NRG3: variants seen among roughly 807,000 people sequenced by gnomAD.
NRG3 encodes neuregulin 3.
NRG3 carries 31 observed loss-of-function variants against 66.9 expected under a neutral mutation model. The ratio of observed to expected loss-of-function variants is 0.46; its 90% CI spans 0.35 to 0.63. The LOEUF (loss-of-function observed/expected upper bound fraction) is 0.63. Among genes scored for constraint, NRG3 ranks in the 20% least tolerant of loss-of-function variants. The pLI is 0.00. For missense variants in NRG3, 910 were observed against 878.9 expected (o/e 1.04, Z -0.45); for synonymous variants, 393 against 359.4 (o/e 1.09, Z -1.06).
At chr10:82,528,566 T>A (rs145415196) in intron 2 of NRG3, among the ~76,000 whole-genome samples, 1 of 152,150 alleles carries the variant, frequency 6.6e-6, no homozygotes, top group African/African-American at 2.4e-5. Context: ...CCTGGACTTA[T>A]CAGGGACAGT....
At chr10:82,733,354 G>A (rs1287656927) in intron 2 of NRG3, among the ~76,000 whole-genome samples, 1 of 152,170 alleles carries the variant, frequency 6.6e-6, no homozygotes, top group Non-Finnish European at 1.5e-5. Flanking sequence ...ACCTGCACTT[G>A]TTTTTCTCCT....
Position 82,200,708 on chromosome 10 carries a change from T to C in NRG3, c.824-158031T>C, listed in dbSNP as rs144477736. 4.5e-3 allele frequency among the ~76,000 whole-genome samples: 691 copies of C among 152,276 alleles called. 7 individuals are homozygous for C. The highest frequency in any genetic ancestry group is 0.016 in the African/African-American group (664 of 41,568). ...AATGAATTCAGAAAAGAATCAGGCC[T>C]GTTACTCTCCGAAGGCCTTTCTCTT... On this transcript the variant is annotated intron_variant, in intron 1 of 8. Coordinates refer to ENST00000372141, the MANE Select transcript of NRG3 (RefSeq NM_001010848.4).
At chr10:82,918,657 C>T (rs1366968292) in intron 4 of NRG3, among the ~76,000 whole-genome samples, 5 of 152,098 alleles carry the variant, frequency 3.3e-5, no homozygotes, top group African/African-American at 1.2e-4. Flanking sequence ...TAAAGATGCC[C>T]AGTTTCACTG....
intron 1 of NRG3, among the ~76,000 whole-genome samples, chr10:82,022,714 G>A (rs894421934): frequency 3.3e-5 from 5 of 151,960 alleles, no homozygotes; most frequent in Non-Finnish European, 5.9e-5. Flanking sequence ...ATCAACCACT[G>A]TGGTCAATGA....
intron 2 of NRG3, among the ~76,000 whole-genome samples, chr10:82,571,970 A>AT (rs1026698664): frequency 1.2e-4 from 18 of 151,498 alleles, no homozygotes; most frequent in East Asian, 3.9e-4. Context: ...CTTACTTCTC[A>AT]TTTTTTTCAT....
intron 1 of NRG3, among the ~76,000 whole-genome samples, chr10:81,964,154 T>C (rs2059637067): frequency 6.6e-6 from 1 of 152,138 alleles, no homozygotes; most frequent in African/African-American, 2.4e-5. Context: ...TGCATCAAGA[T>C]ATACACAGAT....
chr10:82,286,748 C>T (rs907300844), intron 1 of NRG3, among the ~76,000 whole-genome samples: 2 of 152,024 alleles, frequency 1.3e-5, no homozygotes, highest in African/African-American at 2.4e-5. Context: ...CCACCATGCC[C>T]GGCTCACTTT....
At chr10:81,891,746 GC>G (rs1192688670) in intron 1 of NRG3, among the ~76,000 whole-genome samples, 2 of 152,144 alleles carry the variant, frequency 1.3e-5, no homozygotes, top group Non-Finnish European at 1.5e-5. Flanking sequence ...GGGAATGCAG[GC>G]TCAGCTCTGC....
chr10:82,571,888 C>T (rs924151585), intron 2 of NRG3, among the ~76,000 whole-genome samples: 4 of 151,410 alleles, frequency 2.6e-5, no homozygotes, highest in African/African-American at 9.7e-5. Flanking sequence ...TTGAAAGATA[C>T]ATTAAAAAAA....
chr10:82,635,775 A>G (rs1318680949), intron 2 of NRG3, among the ~76,000 whole-genome samples: 1 of 152,036 alleles, frequency 6.6e-6, no homozygotes, highest in East Asian at 1.9e-4. Flanking sequence ...TCCTGAAGAC[A>G]TAATATGAGA....
chr10:82,262,354 T>C (rs1205700969), intron 1 of NRG3, among the ~76,000 whole-genome samples: 1 of 152,172 alleles, frequency 6.6e-6, no homozygotes, highest in Non-Finnish European at 1.5e-5. Flanking sequence ...TCAGCCCTAC[T>C]CTAGCAAAAA....
chr10:82,449,219 C>G (rs1221128291), intron 2 of NRG3, among the ~76,000 whole-genome samples: 1 of 152,168 alleles, frequency 6.6e-6, no homozygotes, highest in African/African-American at 2.4e-5. Flanking sequence ...CAGTCAGCTT[C>G]CCTGGTAGTA....
At chr10:82,836,171 G>A (rs191684671) in intron 3 of NRG3, among the ~76,000 whole-genome samples, 83 of 152,180 alleles carry the variant, frequency 5.5e-4, no homozygotes, top group Non-Finnish European at 1.0e-3. Flanking sequence ...TATTGTCTAT[G>A]GTGGCTTTAG....
At chr10:82,885,482 C>A (rs1048783805) in intron 4 of NRG3, among the ~76,000 whole-genome samples, 1 of 152,128 alleles carries the variant, frequency 6.6e-6, no homozygotes, top group East Asian at 1.9e-4. Flanking sequence ...TTAACTATAA[C>A]AAGTTGCAAT....
intron 3 of NRG3, among the ~76,000 whole-genome samples, chr10:82,814,010 A>G (rs1293436248): frequency 6.6e-6 from 1 of 152,248 alleles, no homozygotes; most frequent in Non-Finnish European, 1.5e-5. Flanking sequence ...TACTCTGTGC[A>G]GGTGGCACGG....
intron 2 of NRG3, among the ~76,000 whole-genome samples, chr10:82,637,269 T>C (rs1189500847): frequency 6.6e-6 from 1 of 152,124 alleles, no homozygotes; most frequent in Non-Finnish European, 1.5e-5. Flanking sequence ...TTGGGATGAA[T>C]TGAGAATTAT....
chr10:82,352,781 G>A (rs1011922348), intron 1 of NRG3, among the ~76,000 whole-genome samples: 36 of 151,736 alleles, frequency 2.4e-4, no homozygotes, highest in African/African-American at 7.8e-4. Flanking sequence ...ATGAGATGAG[G>A]AGTGAGAGAC....
intron 1 of NRG3, among the ~76,000 whole-genome samples, chr10:82,037,991 GA>G: frequency 6.6e-6 from 1 of 151,276 alleles, no homozygotes; most frequent in African/African-American, 2.4e-5. Flanking sequence ...GAGAGAGAGA[GA>G]GCAAAAAAAG....
intron 1 of NRG3, among the ~76,000 whole-genome samples, chr10:82,033,992 T>C (rs2132919579): frequency 6.6e-6 from 1 of 152,268 alleles, no homozygotes; most frequent in African/African-American, 2.4e-5. Context: ...CAAGTAATGA[T>C]CTTTAACTAC....
Sources: allele counts gnomAD v4.1 joint callset (sites outside exome capture counted in the v4.1 genomes callset), GRCh38; gene constraint gnomAD v4.1.1; transcripts MANE v1.5; gene names NCBI Gene and HGNC (gene_info 2026-07-23, HGNC 2026-07-21).